Variants in ZNF804B observed in about 807,000 individuals in gnomAD.
The protein encoded by ZNF804B is zinc finger protein 804B.
ZNF804B carries 80 observed loss-of-function variants against 101.4 expected under a neutral mutation model. The observed-to-expected ratio is 0.79, with a 90% CI of 0.66 to 0.95. ZNF804B has a LOEUF of 0.95. ZNF804B is among the 40% of genes least tolerant of loss of function. The pLI, the probability that ZNF804B is intolerant of heterozygous loss-of-function variation, is 0.00. For missense variants in ZNF804B, 1,673 were observed against 1,561.9 expected, an observed-to-expected ratio of 1.07 and a Z score of -1.20; for synonymous variants, 622 against 558.8, an observed-to-expected ratio of 1.11 and a Z score of -1.59.
At chr7:88,845,601 A>G (rs1562810019) in intron 1 of ZNF804B, among the ~76,000 whole-genome samples, 1 of 150,666 alleles carries the variant, frequency 6.6e-6, no homozygotes, top group Non-Finnish European at 1.5e-5. Flanking sequence ...TTCTCTTGCT[A>G]CTGTTCTTCC....
intron 1 of ZNF804B, among the ~76,000 whole-genome samples, chr7:88,897,585 C>A (rs1792309373): frequency 6.6e-6 from 1 of 152,116 alleles, no homozygotes; most frequent in Non-Finnish European, 1.5e-5. Flanking sequence ...GTCATGAAAC[C>A]TCACCAGAAC....
chr7:88,837,107 C>T (rs145359547), intron 1 of ZNF804B, among the ~76,000 whole-genome samples: 2 of 152,022 alleles, frequency 1.3e-5, no homozygotes, highest in Non-Finnish European at 2.9e-5. Context: ...CAAAAAAGCA[C>T]TTGTCCAATT....
At chr7:89,198,126 T>A (rs1265908289) in intron 1 of ZNF804B, among the ~76,000 whole-genome samples, 1 of 151,838 alleles carries the variant, frequency 6.6e-6, no homozygotes, top group African/African-American at 2.4e-5. Context: ...AATACATATT[T>A]TTATTGCAAT....
intron 2 of ZNF804B, among the ~76,000 whole-genome samples, chr7:89,235,419 G>A (rs1483721277): frequency 6.6e-6 from 1 of 152,154 alleles, no homozygotes; most frequent in Non-Finnish European, 1.5e-5. Flanking sequence ...GGACACAATG[G>A]TCCATGGTGG....
intron 2 of ZNF804B, among the ~76,000 whole-genome samples, chr7:89,266,739 G>A (rs1278948993): frequency 2.6e-5 from 4 of 151,688 alleles, no homozygotes; most frequent in Admixed American, 2.0e-4. Flanking sequence ...TCTTTATTTG[G>A]TTCCAAAAAT....
intron 2 of ZNF804B, among the ~76,000 whole-genome samples, chr7:89,219,885 GTA>G (rs1477275336): frequency 2.2e-5 from 1 of 45,006 alleles, no homozygotes; most frequent in Admixed American, 2.7e-4. Flanking sequence ...GTATATGTGT[GTA>G]TATATGTATA....
At chr7:89,302,599 T>A (rs1280159516) in intron 2 of ZNF804B, among the ~76,000 whole-genome samples, 1 of 151,918 alleles carries the variant, frequency 6.6e-6, no homozygotes, top group African/African-American at 2.4e-5. Context: ...TATTGACAGA[T>A]AAAATAATTT....
At chr7:88,844,046 C>T (rs967248516) in intron 1 of ZNF804B, among the ~76,000 whole-genome samples, 9 of 151,934 alleles carry the variant, frequency 5.9e-5, no homozygotes, top group Non-Finnish European at 1.2e-4. Context: ...CTCCCATAAA[C>T]CCATTATGTA....
chr7:88,823,185 C>A (rs1051724524), intron 1 of ZNF804B, among the ~76,000 whole-genome samples: 1 of 151,990 alleles, frequency 6.6e-6, no homozygotes, highest in Non-Finnish European at 1.5e-5. Context: ...ACAGCCTAGG[C>A]GACAGGGTGA....
At chr7:88,880,917 G>A (rs1056281815) in intron 1 of ZNF804B, among the ~76,000 whole-genome samples, 14 of 151,726 alleles carry the variant, frequency 9.2e-5, no homozygotes, top group South Asian at 6.2e-4. Context: ...TTCTTTAAAC[G>A]TTAAGGCATT....
chr7:89,223,218 C>T (rs7794997), intron 2 of ZNF804B, among the ~76,000 whole-genome samples: 18,551 of 151,750 alleles, frequency 0.12, 1,212 homozygotes, highest in Middle Eastern at 0.25. Flanking sequence ...CTTCTGTTGA[C>T]CTTCCAAAAA....
intron 1 of ZNF804B, among the ~76,000 whole-genome samples, chr7:88,900,018 A>C (rs1792364928): frequency 6.6e-6 from 1 of 152,160 alleles, no homozygotes; most frequent in African/African-American, 2.4e-5. Context: ...AATTTTATGA[A>C]TAGTACAGTG....
chr7:88,766,311 CA>C (rs1040045168), intron 1 of ZNF804B, among the ~76,000 whole-genome samples: 1 of 152,026 alleles, frequency 6.6e-6, no homozygotes, highest in African/African-American at 2.4e-5. Flanking sequence ...AACCTTGTCT[CA>C]AAAATAAATA....
At chr7:88,938,202 G>A (rs887898196) in intron 1 of ZNF804B, among the ~76,000 whole-genome samples, 1 of 152,024 alleles carries the variant, frequency 6.6e-6, no homozygotes, top group Non-Finnish European at 1.5e-5. Flanking sequence ...ATCTAGGATT[G>A]ATAGAAAGGG....
At chr7:89,298,515 T>G (rs2115915586) in intron 2 of ZNF804B, among the ~76,000 whole-genome samples, 1 of 151,438 alleles carries the variant, frequency 6.6e-6, no homozygotes, top group East Asian at 2.0e-4. Flanking sequence ...TGCTATTTTA[T>G]GTTTGGCTTT....
rs545917621 is a variant in ZNF804B at position 89,142,286 on chromosome 7, TTTTTG to T, written c.109-75864_109-75860del. ...TTTTTGTTTGTTTGTTTTTTGTTGTTTTTTGTTTTATTTTTCTTTTGTTGTTGTTG... is the reference window on the plus strand; with the variant it reads ...TTTTTGTTTGTTTGTTTTTTGTTGTTTTTTATTTTTCTTTTGTTGTTGTTG... On this transcript the variant is annotated intron_variant, in intron 1 of 3. Transcript: ENST00000333190. 4.3e-3 allele frequency among the ~76,000 whole-genome samples: 653 copies of T among 150,578 alleles called. 2 individuals carry two copies. The highest frequency in any genetic ancestry group is 6.9e-3 in the Non-Finnish European group (471 of 67,916).
intron 2 of ZNF804B, among the ~76,000 whole-genome samples, chr7:89,251,680 T>C (rs1789543276): frequency 6.6e-6 from 1 of 152,098 alleles, no homozygotes; most frequent in Admixed American, 6.6e-5. Context: ...AACGGTATGG[T>C]ATTGGTTACT....
intron 1 of ZNF804B, among the ~76,000 whole-genome samples, chr7:88,906,191 C>T (rs1030592106): frequency 4.6e-5 from 7 of 151,796 alleles, no homozygotes; most frequent in African/African-American, 1.2e-4. Flanking sequence ...GTCTATCAAC[C>T]GTTTTTGTTC....
intron 1 of ZNF804B, among the ~76,000 whole-genome samples, chr7:88,773,422 A>T (rs1471374408): frequency 6.6e-6 from 1 of 152,238 alleles, no homozygotes; most frequent in East Asian, 1.9e-4. Flanking sequence ...TCTGTCAGTC[A>T]GTCAATCAAT....
Sources: allele counts gnomAD v4.1 joint callset (sites outside exome capture counted in the v4.1 genomes callset), GRCh38; gene constraint gnomAD v4.1.1; transcripts MANE v1.5; gene names NCBI Gene and HGNC (gene_info 2026-07-23, HGNC 2026-07-21).